The following IFT27 variants were observed in gnomAD, a reference collection of about 807,000 sequenced individuals.
IFT27 encodes the protein intraflagellar transport protein 27 homolog.
IFT27 carries 19 observed loss-of-function variants against 23.9 expected under a neutral mutation model. The observed-to-expected ratio is 0.79, with a 90% CI of 0.55 to 1.16. IFT27 has a LOEUF of 1.16. IFT27 is among the 50% of genes most tolerant of loss of function. The pLI, the probability that IFT27 is intolerant of heterozygous loss-of-function variation, is 0.00. For missense variants in IFT27, 206 were observed against 228.7 expected (o/e 0.90, Z 0.64); for synonymous variants, 91 against 89.1 (o/e 1.02, Z -0.12).
chr22:36,775,851 G>C lies in IFT27; in HGVS notation c.-144C>G, dbSNP rs1311423999. On this transcript the variant is annotated 5_prime_UTR_variant, in exon 1 of 7. Coordinates refer to ENST00000433985, the MANE Select transcript of IFT27 (RefSeq NM_001177701.3). ...ATCTCAAGGGTCAGTGGCCGCGACG[G>C]GACTGGGGATGACCGAGCCCGGCCC... 6.8e-6 allele frequency: 5 copies of C among 740,036 alleles called. No individual in the cohort carries two copies. The African/African-American group carries it at 8.8e-5, about 13-fold the overall frequency. 45.8% of individuals were successfully genotyped at this position (740,036 alleles called of 1,614,324 possible). A position where few individuals can be genotyped will look rare whatever the true frequency, so the allele number is the denominator to read the frequency against.
Position 36,762,947 on chromosome 22 carries a change from G to A in IFT27, c.419C>T (p.Ala140Val), listed in dbSNP as rs1938135148. The change falls in exon 6 of 7, where the codon GCA (alanine) becomes GTA (valine). Residue 140 changes from alanine (A) to valine (V), a missense_variant. Ala to Val is a moderately conservative substitution (Grantham distance 64). Coordinates refer to ENST00000433985, the MANE Select transcript of IFT27 (RefSeq NM_001177701.3). ...TTCCAGGCCCTGGCCCAGCGCCCAT[G>A]CCCGGGCCTCAGCTGAGTCCACTGC... ...RRAVDSAEAR[A>V]WALGQGLECF... The A allele has an allele frequency of 6.3e-7, 1 of 1,598,660 alleles. No individual in the cohort carries two copies. Among genetic ancestry groups the A allele is most frequent in the Non-Finnish European group, 8.5e-7 (1 of 1,170,248 alleles).
intron 4 of IFT27, among the ~76,000 whole-genome samples, chr22:36,764,402 G>A (rs1220862349): frequency 6.6e-6 from 1 of 152,232 alleles, no homozygotes; most frequent in East Asian, 1.9e-4. Context: ...AGGCCTGACA[G>A]GCTTTAAAAA....
At chr22:36,770,460 T>C (rs1247722706) in intron 1 of IFT27, among the ~76,000 whole-genome samples, 1 of 152,150 alleles carries the variant, frequency 6.6e-6, no homozygotes, top group Non-Finnish European at 1.5e-5. Flanking sequence ...CTCATCACCT[T>C]GACAGAAGGC....
intron 6 of IFT27, chr22:36,760,313 T>G (rs531669361): frequency 6.6e-6 from 1 of 152,192 alleles, no homozygotes; most frequent in African/African-American, 2.4e-5. Context: ...AATGCAATCT[T>G]GGGAGATCGC....
chr22:36,763,432 C>T, intron 5 of IFT27: 1 of 266,038 alleles, frequency 3.8e-6, no homozygotes, highest in East Asian at 9.9e-5. Context: ...TAGTTCAGCT[C>T]CCAGCTGCAT....
At chr22:36,762,616 T>G (rs988258719) in intron 6 of IFT27, 7 of 265,130 alleles carry the variant, frequency 2.6e-5, no homozygotes, top group Non-Finnish European at 5.0e-5. Flanking sequence ...ACCCAGAATA[T>G]TGCATGCAAA....
chr22:36,774,039 C>A (rs1938444329), intron 1 of IFT27, among the ~76,000 whole-genome samples: 2 of 152,136 alleles, frequency 1.3e-5, no homozygotes, highest in Non-Finnish European at 2.9e-5. Context: ...CCCACCTTAT[C>A]CATAAGGAAA....
intron 1 of IFT27, among the ~76,000 whole-genome samples, chr22:36,774,331 T>C (rs1306099772): frequency 1.3e-5 from 2 of 152,242 alleles, no homozygotes; most frequent in Non-Finnish European, 2.9e-5. Flanking sequence ...TTTTTCTCTA[T>C]ATAATTTCTC....
chr22:36,767,429 G>C, intron 2 of IFT27, 64 bp from the exon 3 acceptor site: 1 of 1,447,264 alleles, frequency 6.9e-7, no homozygotes, highest in Non-Finnish European at 9.6e-7. Context: ...GTTACAGGAG[G>C]ACACACAAGC....
At position 36,767,878 on chromosome 22, in the gene IFT27, A is replaced by G; in HGVS notation, c.35-16T>C. ...GCTGGGTCTCCTGTGAGATCAGAAA[A>G]GAAGAAAAAGAACGCCTTAGTTCTC... On this transcript the variant is annotated splice_polypyrimidine_tract_variant and intron_variant, in intron 1 of 6. Transcript: ENST00000433985. 6.2e-7 allele frequency: 1 copy of G among 1,606,894 alleles called. No homozygotes were observed. Among genetic ancestry groups the G allele is most frequent in the Non-Finnish European group, 8.5e-7 (1 of 1,173,504 alleles).
Position 36,773,678 on chromosome 22 carries a change from A to G in IFT27, c.34+1996T>C, listed in dbSNP as rs572274778. On this transcript the variant is annotated intron_variant, in intron 1 of 6. Transcript: ENST00000433985. ...TCAAAAAAAAAAAAAAAAAAAATAG[A>G]AGGACACAGAGGAGCACTACTTGAG... is the stretch of plus-strand genomic sequence containing the variant. Among the ~76,000 whole-genome samples the G allele has an allele frequency of 3.3e-5, 5 of 150,030 alleles. No individual in the cohort carries two copies. The East Asian group carries it at 9.8e-4, about 29-fold the overall frequency.
At chr22:36,773,673 A>G (rs948018996) in intron 1 of IFT27, among the ~76,000 whole-genome samples, 38 of 151,884 alleles carry the variant, frequency 2.5e-4, no homozygotes, top group African/African-American at 8.9e-4. Context: ...AAAAAAAAAA[A>G]ATAGAAGGAC....
chr22:36,773,422 C>T (rs1409761201), intron 1 of IFT27, among the ~76,000 whole-genome samples: 1 of 151,924 alleles, frequency 6.6e-6, no homozygotes, highest in Non-Finnish European at 1.5e-5. Context: ...GAGGCCGAGG[C>T]GGGCAGATCA....
intron 1 of IFT27, among the ~76,000 whole-genome samples, chr22:36,771,937 T>C (rs1938394913): frequency 6.6e-6 from 1 of 152,068 alleles, no homozygotes; most frequent in African/African-American, 2.4e-5. Context: ...CGGTCAGCCC[T>C]AACCCACCTT....
At chr22:36,770,362 G>T (rs887231082) in intron 1 of IFT27, among the ~76,000 whole-genome samples, 13 of 152,042 alleles carry the variant, frequency 8.6e-5, no homozygotes, top group Admixed American at 7.9e-4. Context: ...CCTGCTATCT[G>T]CCTGCCCCTC....
intron 1 of IFT27, among the ~76,000 whole-genome samples, chr22:36,770,820 A>G (rs1041964094): frequency 3.3e-5 from 5 of 151,968 alleles, no homozygotes; most frequent in Non-Finnish European, 2.9e-5. Flanking sequence ...TTTCTATCTC[A>G]GCCCCAAGCC....
At chr22:36,772,135 CT>C (rs1010281473) in intron 1 of IFT27, among the ~76,000 whole-genome samples, 1 of 152,226 alleles carries the variant, frequency 6.6e-6, no homozygotes, top group Non-Finnish European at 1.5e-5. Flanking sequence ...CCATCTCTCC[CT>C]CCTTCATCTT....
rs770175816 is a variant in IFT27 at position 36,775,811 on chromosome 22, G to C, written c.-104C>G. 7 of 1,144,260 alleles carry C rather than the reference G, an allele frequency of 6.1e-6. No individual in the cohort carries two copies. Among genetic ancestry groups the C allele is most frequent in the Non-Finnish European group, 9.2e-6 (7 of 757,338 alleles). The allele number at this position is 1,144,260 out of a possible 1,614,324, so 70.9% of individuals were successfully genotyped here. A position where few individuals can be genotyped will look rare whatever the true frequency, so the allele number is the denominator to read the frequency against. Reference sequence around the variant, plus strand: ...TGGGCTGGCCTGGGACGGGAAGGTGGGGAGGGGAGGGCTGATCTCAAGGGT... The same window carrying C: ...TGGGCTGGCCTGGGACGGGAAGGTGCGGAGGGGAGGGCTGATCTCAAGGGT... On this transcript the variant is annotated 5_prime_UTR_variant, in exon 1 of 7. Transcript: ENST00000433985.
chr22:36,759,721 A>C (rs1191798961), intron 6 of IFT27: 1 of 152,248 alleles, frequency 6.6e-6, no homozygotes, highest in Non-Finnish European at 1.5e-5. Flanking sequence ...TCCCCAACGA[A>C]ACAGAAGGAT....
Sources: gnomAD v4.1 joint callset for allele counts (sites outside exome capture counted in the v4.1 genomes callset) on GRCh38, gnomAD v4.1.1 for gene constraint, MANE v1.5 for transcripts, NCBI Gene and HGNC (gene_info 2026-07-23, HGNC 2026-07-21) for gene names.